The following ASB13 variants were observed in gnomAD, a reference collection of about 807,000 sequenced individuals.
ASB13 encodes ankyrin repeat and SOCS box protein 13.
In ASB13, 33 loss-of-function variants were observed where a neutral mutation model predicts 28.8. The observed-to-expected ratio is 1.15, with a 90% CI of 0.87 to 1.53. ASB13 has a LOEUF of 1.53. Among genes scored for constraint, ASB13 ranks in the 40% most tolerant of loss-of-function variants. ASB13 has a pLI of 0.00. For missense variants in ASB13, 414 were observed against 390.1 expected (o/e 1.06, Z -0.52); for synonymous variants, 182 against 172.9 (o/e 1.05, Z -0.41).
Position 5,649,226 on chromosome 10 carries a change from C to T in ASB13, c.383-122G>A, listed in dbSNP as rs3793709. ...GTGCAGGGCAGGGAAGCCAGGCAGG[C>T]CTGCGTCCCAACCTAGGGAGGAGTT... On this transcript the variant is annotated intron_variant, in intron 3 of 5. Transcript: ENST00000357700. The surrounding 1 kb of genome is among the most constrained non-coding windows in gnomAD (Gnocchi z 6.4). The T allele has an allele frequency of 5.9e-5, 81 of 1,378,176 alleles. No homozygotes were observed. In the South Asian group the frequency reaches 6.3e-4, roughly 11 times the overall value. The allele number at this position is 1,378,176 out of a possible 1,614,324, so 85.4% of individuals were successfully genotyped here.
chr10:5,648,871 C>T lies in ASB13; in HGVS notation c.517+99G>A, dbSNP rs560385876. On this transcript the variant is annotated intron_variant, in intron 4 of 5. Transcript: ENST00000357700. Reference sequence around the variant, plus strand: ...ACACCCACTCGGGTAAACACCCACTCGGGCAAACACCCACTTGGGCAAACA... The same window carrying T: ...ACACCCACTCGGGTAAACACCCACTTGGGCAAACACCCACTTGGGCAAACA... 90 of 1,555,422 alleles carry T rather than the reference C, an allele frequency of 5.8e-5. No individual in the cohort carries two copies. The African/African-American group carries it at 9.3e-4, about 16-fold the overall frequency.
In ASB13 at chr10:5,659,464, C is replaced by G. The variant is rs544459375; in HGVS notation, c.44-6414G>C. On this transcript the variant is annotated intron_variant, in intron 1 of 5. Transcript: ENST00000357700. This position sits in a 1 kb window ranked among gnomAD's most constrained non-coding sequence, Gnocchi z 5.8. ...GTCCCCAGGCTCCCCGTCATGCACA[C>G]AGCCGTGTCCAGTGACACCAAACTC... Among the ~76,000 whole-genome samples the G allele has an allele frequency of 2.0e-4, 30 of 152,326 alleles. No individual in the cohort carries two copies. Among genetic ancestry groups the G allele is most frequent in the Admixed American group, 9.8e-4 (15 of 15,310 alleles).
rs1328335446 is a variant in ASB13 at position 5,656,223 on chromosome 10, A to G, written c.44-3173T>C. On this transcript the variant is annotated intron_variant, in intron 1 of 5. Coordinates refer to ENST00000357700, the MANE Select transcript of ASB13 (RefSeq NM_024701.4). This position sits in a 1 kb window ranked among gnomAD's most constrained non-coding sequence, Gnocchi z 4.3. ...CAGTGAGTGAGTGGATGAGTAAATG[A>G]ATGGAAGGAGTTACTAAAACCAATT... Among the ~76,000 whole-genome samples the G allele has an allele frequency of 6.6e-6, 1 of 152,186 alleles. No individual in the cohort carries two copies. The highest frequency in any genetic ancestry group is 2.4e-5 in the African/African-American group (1 of 41,452).
At position 5,652,012 on chromosome 10, in the gene ASB13, A is replaced by C. The variant is rs547333479; in HGVS notation, c.232-649T>G. 1.1e-5 allele frequency among the ~76,000 whole-genome samples: 1 copy of C among 92,790 alleles called. No homozygotes were observed. Among genetic ancestry groups the C allele is most frequent in the African/African-American group, 3.9e-5 (1 of 25,640 alleles). 60.9% of individuals were successfully genotyped at this position (92,790 alleles called of 152,430 possible). On this transcript the variant is annotated intron_variant, in intron 2 of 5. Transcript: ENST00000357700. The surrounding 1 kb of genome is among the most constrained non-coding windows in gnomAD (Gnocchi z 5.0). ...GAAAGACCTTATCTCAAAAAAAAAA[A>C]AAAAAAAAAAAAACCACACACACAC...
chr10:5,662,533 G>GTGGC (rs754813507), intron 1 of ASB13, among the ~76,000 whole-genome samples: 1 of 6,682 alleles, frequency 1.5e-4, no homozygotes, highest in Non-Finnish European at 8.1e-4. Flanking sequence ...CTGTCGAGAA[G>GTGGC]GGGGGGGGAG....
rs977911081 is a variant in ASB13 at position 5,642,872 on chromosome 10, T to C, written c.518-911A>G. 2.6e-5 allele frequency among the ~76,000 whole-genome samples: 4 copies of C among 152,136 alleles called. No individual in the cohort carries two copies. Among genetic ancestry groups the C allele is most frequent in the African/African-American group, 9.7e-5 (4 of 41,444 alleles). ...GTTGGCCAGGTTGGTCTCGAACTCC[T>C]GGCTACGGGCATGAGCCACCACACC... On this transcript the variant is annotated intron_variant, in intron 4 of 5. Coordinates refer to ENST00000357700, the MANE Select transcript of ASB13 (RefSeq NM_024701.4). The surrounding 1 kb of genome is among the most constrained non-coding windows in gnomAD (Gnocchi z 4.1).
Position 5,639,937 on chromosome 10 carries a change from G to A in ASB13, c.*766C>T, listed in dbSNP as rs1278605345. On this transcript the variant is annotated 3_prime_UTR_variant, in exon 6 of 6. Transcript: ENST00000357700. ...TCATTACCAAAACCTTAGTGGTACC[G>A]CCTACGTGTCCTCTAAAAGGTTTTT... 3.9e-5 allele frequency: 6 copies of A among 152,640 alleles called. No homozygotes were observed. The highest frequency in any genetic ancestry group is 2.1e-4 in the South Asian group (1 of 4,824). The allele number at this position is 152,640 out of a possible 1,614,324, so 9.5% of individuals were successfully genotyped here.
chr10:5,656,631 G>A lies in ASB13; in HGVS notation c.44-3581C>T, dbSNP rs1835080837. Reference sequence around the variant, plus strand: ...TTATCCATTCTTACACAGAGGCTAGGATAATTTTAGAGCATTAAGATAATA... The same window carrying A: ...TTATCCATTCTTACACAGAGGCTAGAATAATTTTAGAGCATTAAGATAATA... On this transcript the variant is annotated intron_variant, in intron 1 of 5. Transcript: ENST00000357700. The surrounding 1 kb of genome is among the most constrained non-coding windows in gnomAD (Gnocchi z 4.3). 6.6e-6 allele frequency among the ~76,000 whole-genome samples: 1 copy of A among 152,172 alleles called. No individual in the cohort carries two copies. Among genetic ancestry groups the A allele is most frequent in the South Asian group, 2.1e-4 (1 of 4,830 alleles).
In ASB13 at chr10:5,642,382, G is replaced by T; in HGVS notation, c.518-421C>A. 1.4e-6 allele frequency: 1 copy of T among 705,764 alleles called. No individual in the cohort carries two copies. Among genetic ancestry groups the T allele is most frequent in the Non-Finnish European group, 1.9e-6 (1 of 526,840 alleles). The allele number at this position is 705,764 out of a possible 1,614,324, so 43.7% of individuals were successfully genotyped here. A position where few individuals can be genotyped will look rare whatever the true frequency, so the allele number is the denominator to read the frequency against. On this transcript the variant is annotated intron_variant, in intron 4 of 5. Coordinates refer to ENST00000357700, the MANE Select transcript of ASB13 (RefSeq NM_024701.4). This position sits in a 1 kb window ranked among gnomAD's most constrained non-coding sequence, Gnocchi z 4.1. Reference sequence around the variant, plus strand: ...ACTGCTTCTTCCTCTTGCGGGCCCAGGACGGAGGCTCCAGAAATACTGGTT... The same window carrying T: ...ACTGCTTCTTCCTCTTGCGGGCCCATGACGGAGGCTCCAGAAATACTGGTT...
In ASB13 at chr10:5,642,750, G is replaced by A. The variant is rs561741738; in HGVS notation, c.518-789C>T. 1.2e-3 allele frequency among the ~76,000 whole-genome samples: 185 copies of A among 151,750 alleles called. 1 individual carries two copies. The highest frequency in any genetic ancestry group is 6.8e-3 in the Middle Eastern group (2 of 294). On this transcript the variant is annotated intron_variant, in intron 4 of 5. Transcript: ENST00000357700. The surrounding 1 kb of genome is among the most constrained non-coding windows in gnomAD (Gnocchi z 4.1). ...CAACCTCCGCCTCCAGGGTTCAAGC[G>A]ATTCTCCTGCCTCAGCCTCCCGAGT...
At chr10:5,653,113 C>A in intron 1 of ASB13, 63 bp from the exon 2 acceptor site, 1 of 1,440,504 alleles carries the variant, frequency 6.9e-7, no homozygotes, top group Non-Finnish European at 9.3e-7. Flanking sequence ...AATGAGCACA[C>A]GTAAGACTCC....
intron 4 of ASB13, 89 bp downstream of exon 4, chr10:5,648,881 C>T (rs1318293958): frequency 4.5e-6 from 7 of 1,570,400 alleles, no homozygotes; most frequent in Non-Finnish European, 6.1e-6. Flanking sequence ...CGGGCAAACA[C>T]CCACTTGGGC....
At position 5,643,451 on chromosome 10, in the gene ASB13, T is replaced by C. The variant is rs9988778; in HGVS notation, c.518-1490A>G. Among the ~76,000 whole-genome samples the C allele has an allele frequency of 3.8e-3, 576 of 152,320 alleles. 4 individuals are homozygous for C. The highest frequency in any genetic ancestry group is 0.013 in the African/African-American group (542 of 41,578). Reference sequence around the variant, plus strand: ...AGCCCTCCAAAGTGATGACATAATTTAAGAAAGTTCTTTCCACTTCCCGCA... The same window carrying C: ...AGCCCTCCAAAGTGATGACATAATTCAAGAAAGTTCTTTCCACTTCCCGCA... On this transcript the variant is annotated intron_variant, in intron 4 of 5. Coordinates refer to ENST00000357700, the MANE Select transcript of ASB13 (RefSeq NM_024701.4).
Position 5,649,030 on chromosome 10 carries a change from G to A in ASB13, c.457C>T (p.Pro153Ser). The change falls in exon 4 of 6, where the codon CCT (proline) becomes TCT (serine). Residue 153 changes from proline to serine, a missense_variant. Transcript: ENST00000357700. This position sits in a 1 kb window ranked among gnomAD's most constrained non-coding sequence, Gnocchi z 6.4. ...LEAHDCHFGT[P>S]LHVACAREHL... ...TCCCGGGCACAGGCAACGTGCAGAG[G>A]GGTCCCAAAATGGCAATCGTGCGCT... is the stretch of plus-strand genomic sequence containing the variant. The A allele has an allele frequency of 6.2e-7, 1 of 1,614,260 alleles. No individual in the cohort carries two copies. The highest frequency in any genetic ancestry group is 1.1e-5 in the South Asian group (1 of 91,092).
In ASB13 at chr10:5,649,559, TCTGTTGC is replaced by T. The variant is rs141429533; in HGVS notation, c.383-462_383-456del. Reference sequence around the variant, plus strand: ...TTTTTTTTTTTAGACAAAGTCTCATTCTGTTGCCCAGGATGGAATGCAGTGGTGCGAT... The same window carrying T: ...TTTTTTTTTTTAGACAAAGTCTCATTCCAGGATGGAATGCAGTGGTGCGAT... On this transcript the variant is annotated intron_variant, in intron 3 of 5. Coordinates refer to ENST00000357700, the MANE Select transcript of ASB13 (RefSeq NM_024701.4). The surrounding 1 kb of genome is among the most constrained non-coding windows in gnomAD (Gnocchi z 6.4). Among the ~76,000 whole-genome samples, 44,904 of 150,552 alleles carry T rather than the reference TCTGTTGC, an allele frequency of 0.3. 7,032 individuals carry two copies. Among genetic ancestry groups the T allele is most frequent in the Middle Eastern group, 0.43 (125 of 290 alleles).
chr10:5,663,917 C>T lies in ASB13; in HGVS notation c.43+2592G>A, dbSNP rs2131460465. ...GACACTGAAATCAAGAGCGATAGAG[C>T]TGTGTTTCTGATTAAACACGGAGGA... is the stretch of plus-strand genomic sequence containing the variant. On this transcript the variant is annotated intron_variant, in intron 1 of 5. Coordinates refer to ENST00000357700, the MANE Select transcript of ASB13 (RefSeq NM_024701.4). This position sits in a 1 kb window ranked among gnomAD's most constrained non-coding sequence, Gnocchi z 4.9. Among the ~76,000 whole-genome samples, 1 of 152,316 alleles carries T rather than the reference C, an allele frequency of 6.6e-6. No individual in the cohort carries two copies. The highest frequency in any genetic ancestry group is 2.1e-4 in the South Asian group (1 of 4,830).
Position 5,656,758 on chromosome 10 carries a change from C to T in ASB13, c.44-3708G>A, listed in dbSNP as rs1002010891. ...TTGTTAAAGATTTATAGGAGCACTG[C>T]GACCTGATCAAGGACAAAGATGTTC... On this transcript the variant is annotated intron_variant, in intron 1 of 5. Transcript: ENST00000357700. This position sits in a 1 kb window ranked among gnomAD's most constrained non-coding sequence, Gnocchi z 4.3. Among the ~76,000 whole-genome samples the T allele has an allele frequency of 7.2e-5, 11 of 152,190 alleles. No homozygotes were observed. Among genetic ancestry groups the T allele is most frequent in the Non-Finnish European group, 1.2e-4 (8 of 68,034 alleles).
At position 5,659,153 on chromosome 10, in the gene ASB13, AGGCTCCCTGTGGT is replaced by A. The variant is rs1186507143; in HGVS notation, c.44-6116_44-6104del. 6.6e-6 allele frequency among the ~76,000 whole-genome samples: 1 copy of A among 152,142 alleles called. No homozygotes were observed. The highest frequency in any genetic ancestry group is 1.5e-5 in the Non-Finnish European group (1 of 68,002). ...GCAGGCTGCTTCCAGCCCCTGTGCC[AGGCTCCCTGTGGT>A]GGCAAGACGCCCCCCCTCCCCAATC... On this transcript the variant is annotated intron_variant, in intron 1 of 5. Coordinates refer to ENST00000357700, the MANE Select transcript of ASB13 (RefSeq NM_024701.4). The surrounding 1 kb of genome is among the most constrained non-coding windows in gnomAD (Gnocchi z 5.8).
At position 5,666,542 on chromosome 10, in the gene ASB13, G is replaced by A. The variant is rs1193368327; in HGVS notation, c.10C>T (p.Arg4Trp). 7 of 1,236,090 alleles carry A rather than the reference G, an allele frequency of 5.7e-6. No individual in the cohort carries two copies. Among genetic ancestry groups the A allele is most frequent in the Non-Finnish European group, 5.1e-6 (5 of 985,088 alleles). 76.6% of individuals were successfully genotyped at this position (1,236,090 alleles called of 1,614,324 possible). Reference sequence around the variant, plus strand: ...CCCAGGAAGCAGCCGTCCGCCGCCCGGGGCTCCATGCGGCTCACCGGCGGC... The same window carrying A: ...CCCAGGAAGCAGCCGTCCGCCGCCCAGGGCTCCATGCGGCTCACCGGCGGC... MEP[R>W]AADGCFLGDV... Residue 4 changes from arginine (R) to tryptophan (W), a missense_variant, in exon 1 of 6, where the codon CGG becomes TGG. By Grantham distance (101) the Arg-to-Trp change is moderately radical (BLOSUM62 -3). Transcript: ENST00000357700.
Sources: gnomAD v4.1 joint callset for allele counts (sites outside exome capture counted in the v4.1 genomes callset) on GRCh38, gnomAD v4.1.1 for gene constraint, Gnocchi (gnomAD v3.1) non-coding constraint, MANE v1.5 for transcripts, NCBI Gene and HGNC (gene_info 2026-07-23, HGNC 2026-07-21) for gene names.